ZNF18: variants seen among roughly 807,000 people sequenced by gnomAD.
The protein encoded by ZNF18 is heart development-specific gene 1 protein.
Under a neutral mutation model 58.1 loss-of-function variants are expected in ZNF18, and 42 were observed. That is an observed-to-expected ratio of 0.72 (90% confidence interval 0.56 to 0.93). The LOEUF (loss-of-function observed/expected upper bound fraction) is 0.93. Ranked by LOEUF, ZNF18 falls within the 40% of genes least tolerant of loss-of-function variation. The probability of loss-of-function intolerance (pLI) is 0.00; values close to 1 mark genes in which losing one functional copy is unlikely to be tolerated. For missense variants in ZNF18, 540 were observed against 644.2 expected (o/e 0.84, Z 1.75); for synonymous variants, 231 against 239.8 (o/e 0.96, Z 0.34).
intron 6 of ZNF18, among the ~76,000 whole-genome samples, chr17:11,980,269 A>G (rs1216670780): frequency 6.6e-6 from 1 of 152,176 alleles, no homozygotes; most frequent in Non-Finnish European, 1.5e-5. Flanking sequence ...TTTAATTCTT[A>G]AGTTATGAAA....
chr17:12,007,497 C>T, the ZNF18 span, among the ~76,000 whole-genome samples: 11 of 152,176 alleles, frequency 7.2e-5, no homozygotes, highest in Admixed American at 7.2e-4. Flanking sequence ...CTTGATGCTG[C>T]CCGTGGCCTC....
the ZNF18 span, chr17:12,011,427 C>T: frequency 5.7e-6 from 1 of 175,740 alleles, no homozygotes; most frequent in South Asian, 1.3e-4. Flanking sequence ...ATTCTGTCGC[C>T]TAGGCTGGAG....
chr17:12,020,680 T>C, the ZNF18 span: 9 of 351,266 alleles, frequency 2.6e-5, no homozygotes, highest in Non-Finnish European at 2.0e-5. Flanking sequence ...GCTTCACAGG[T>C]CGCGCACCCA....
intron 1 of ZNF18, among the ~76,000 whole-genome samples, chr17:11,993,209 G>T (rs974486144): frequency 1.3e-5 from 2 of 152,090 alleles, no homozygotes; most frequent in Admixed American, 6.5e-5. Flanking sequence ...TTCACTATAG[G>T]TTTCCAGGTA....
At chr17:11,998,864 C>T (rs1374403410), upstream of ZNF18, among the ~76,000 whole-genome samples, 5 of 117,404 alleles carry the variant, frequency 4.3e-5, no homozygotes, top group African/African-American at 6.7e-5. Flanking sequence ...TTGGTGGAGA[C>T]GGGGTTTCAC....
intron 4 of ZNF18, 49 bp from the exon 5 acceptor site, chr17:11,984,246 G>A: frequency 6.4e-7 from 1 of 1,556,778 alleles, no homozygotes; most frequent in South Asian, 1.2e-5. Context: ...TCCAATGAAG[G>A]TGTTTGAACC....
In ZNF18 at chr17:11,992,930, T is replaced by G; in HGVS notation, c.-82-19A>C. The G allele has an allele frequency of 2.2e-6, 3 of 1,348,910 alleles. No individual in the cohort carries two copies. The South Asian group carries it at 4.3e-5, about 19-fold the overall frequency. The allele number at this position is 1,348,910 out of a possible 1,614,324, so 83.6% of individuals were successfully genotyped here. On this transcript the variant is annotated intron_variant, in intron 1 of 6. Transcript: ENST00000580306. ...CAGGACACTAAAAAGGGAATGAGATTGAGTGCTACACAGAGGAAGGGGACA... is the reference window on the plus strand; with the variant it reads ...CAGGACACTAAAAAGGGAATGAGATGGAGTGCTACACAGAGGAAGGGGACA...
chr17:12,017,741 G>C, the ZNF18 span, among the ~76,000 whole-genome samples: 1 of 152,058 alleles, frequency 6.6e-6, no homozygotes, highest in Non-Finnish European at 1.5e-5. Flanking sequence ...ACCAGGTGTG[G>C]TGGCACATGC....
the ZNF18 span, among the ~76,000 whole-genome samples, chr17:12,004,232 C>CAA: frequency 7.8e-6 from 1 of 127,948 alleles, no homozygotes; most frequent in East Asian, 2.3e-4. Context: ...CTCTGTGTCT[C>CAA]AAAAAAAAAA....
At chr17:11,978,839 TC>T (rs370611136) in intron 6 of ZNF18, 95 bp from the exon 7 acceptor site, 129 of 553,356 alleles carry the variant, frequency 2.3e-4, no homozygotes, top group South Asian at 8.1e-4. Flanking sequence ...ACATTCATTT[TC>T]TTTTTTTTTT....
At chr17:12,002,981 T>G in the ZNF18 span, among the ~76,000 whole-genome samples, 2 of 152,224 alleles carry the variant, frequency 1.3e-5, no homozygotes, top group Admixed American at 1.3e-4. Context: ...ATGTAGTTTG[T>G]ATCCTGTTGA....
upstream of ZNF18, chr17:11,998,343 C>CA (rs1044208070): frequency 4.5e-4 from 68 of 152,240 alleles, no homozygotes; most frequent in African/African-American, 1.5e-3. Flanking sequence ...AGTATCATGT[C>CA]AAAGTTTGGG....
chr17:12,003,865 TG>T, the ZNF18 span, among the ~76,000 whole-genome samples: 1 of 152,220 alleles, frequency 6.6e-6, no homozygotes. Context: ...GCACATATGT[TG>T]AACAGGCTTG....
the ZNF18 span, among the ~76,000 whole-genome samples, chr17:12,005,667 T>G: frequency 6.6e-6 from 1 of 152,236 alleles, no homozygotes; most frequent in Non-Finnish European, 1.5e-5. Flanking sequence ...TTAAAACTCC[T>G]GTATCACAGA....
the ZNF18 span, among the ~76,000 whole-genome samples, chr17:12,011,618 T>A: frequency 6.6e-6 from 1 of 151,422 alleles, no homozygotes; most frequent in Non-Finnish European, 1.5e-5. Flanking sequence ...TCTCCTGACC[T>A]CATGATCTGC....
chr17:12,018,440 T>A, the ZNF18 span, among the ~76,000 whole-genome samples: 1 of 152,192 alleles, frequency 6.6e-6, no homozygotes, highest in East Asian at 1.9e-4. Context: ...GATCATCTTC[T>A]CCTAGCTCTG....
rs911126779 is a variant in ZNF18 at position 11,977,863 on chromosome 17, G to T, written c.*94C>A. ...TCCAAGAAAAAAGGAGATTAACAGG[G>T]GTATCCTCTTAGACACAATTCCTCT... is the stretch of plus-strand genomic sequence containing the variant. On this transcript the variant is annotated 3_prime_UTR_variant, in exon 7 of 7. Coordinates refer to ENST00000580306, the MANE Select transcript of ZNF18 (RefSeq NM_001303281.2). 4.0e-5 allele frequency: 56 copies of T among 1,394,424 alleles called. No homozygotes were observed. The highest frequency in any genetic ancestry group is 5.5e-5 in the Non-Finnish European group (56 of 1,026,998). 86.4% of individuals were successfully genotyped at this position (1,394,424 alleles called of 1,614,324 possible).
At position 11,983,760 on chromosome 17, in the gene ZNF18, C is replaced by T. The variant is rs117316451; in HGVS notation, c.751+353G>A. Among the ~76,000 whole-genome samples, 314 of 151,710 alleles carry T rather than the reference C, an allele frequency of 2.1e-3. 1 individual carries two copies. The highest frequency in any genetic ancestry group is 3.0e-3 in the Non-Finnish European group (202 of 67,732). Reference sequence around the variant, plus strand: ...CTCAGAACCAGCCACAGCTGAGTTCCATCATAACTCAGCCCACTTATGAGC... The same window carrying T: ...CTCAGAACCAGCCACAGCTGAGTTCTATCATAACTCAGCCCACTTATGAGC... On this transcript the variant is annotated intron_variant, in intron 5 of 6. Coordinates refer to ENST00000580306, the MANE Select transcript of ZNF18 (RefSeq NM_001303281.2).
chr17:11,999,734 A>G (rs1968624431), upstream of ZNF18, among the ~76,000 whole-genome samples: 1 of 152,194 alleles, frequency 6.6e-6, no homozygotes, highest in Non-Finnish European at 1.5e-5. Flanking sequence ...ACAAGTGGTA[A>G]TTATAGGTGT....
Sources: gnomAD v4.1 joint callset for allele counts (sites outside exome capture counted in the v4.1 genomes callset) on GRCh38, gnomAD v4.1.1 for gene constraint, MANE v1.5 for transcripts, NCBI Gene and HGNC (gene_info 2026-07-23, HGNC 2026-07-21) for gene names.